Variants in ZFAT observed in about 807,000 individuals in gnomAD.
ZFAT encodes zinc finger protein ZFAT.
A neutral mutation model predicts 117.7 loss-of-function variants in ZFAT; 64 were observed. The observed-to-expected ratio is 0.54, with a 90% CI of 0.44 to 0.67. The LOEUF is 0.67. ZFAT is among the 30% of genes least tolerant of loss of function. ZFAT has a pLI of 0.00. For synonymous variants in ZFAT, 679 were observed against 615.0 expected, an observed-to-expected ratio of 1.10 and a Z score of -1.54; for missense variants, 1,433 against 1,584.5, an observed-to-expected ratio of 0.90 and a Z score of 1.62.
intron 11 of ZFAT, among the ~76,000 whole-genome samples, chr8:134,560,061 A>G (rs188221860): frequency 2.5e-4 from 38 of 152,328 alleles, no homozygotes; most frequent in Non-Finnish European, 4.7e-4. Context: ...AATCTAGCAT[A>G]GTTTCCTAGA....
At chr8:134,695,883 C>A (rs1370957908) in intron 1 of ZFAT, among the ~76,000 whole-genome samples, 1 of 147,236 alleles carries the variant, frequency 6.8e-6, no homozygotes, top group South Asian at 2.2e-4. Context: ...GGAGGTACCA[C>A]CACCCCCAGG....
chr8:134,583,561 C>T (rs1041072979), intron 10 of ZFAT, among the ~76,000 whole-genome samples: 1 of 152,148 alleles, frequency 6.6e-6, no homozygotes, highest in African/African-American at 2.4e-5. Flanking sequence ...TCTGAAGACA[C>T]CTCCTTTCCT....
intron 1 of ZFAT, among the ~76,000 whole-genome samples, chr8:134,694,735 CT>C (rs1833743129): frequency 6.6e-6 from 1 of 152,134 alleles, no homozygotes; most frequent in South Asian, 2.1e-4. Context: ...TCGTGTGTTC[CT>C]GTGCCCCCTC....
chr8:134,635,555 G>A (rs186166754), intron 3 of ZFAT, among the ~76,000 whole-genome samples: 7 of 152,240 alleles, frequency 4.6e-5, no homozygotes, highest in Non-Finnish European at 4.4e-5. Context: ...ATGCAACGTC[G>A]TTACCTAGCT....
At chr8:134,603,496 T>TG (rs79687399) in intron 5 of ZFAT, among the ~76,000 whole-genome samples, 45,605 of 152,058 alleles carry the variant, frequency 0.3, 7,108 homozygotes, top group East Asian at 0.53. Flanking sequence ...AAGCCAGACT[T>TG]CCTATTCATT....
At chr8:134,722,041 C>T in the ZFAT span, among the ~76,000 whole-genome samples, 4 of 152,208 alleles carry the variant, frequency 2.6e-5, no homozygotes, top group African/African-American at 9.7e-5. Context: ...AAGTGTGCTC[C>T]AAAGAGGCAC....
At chr8:134,769,377 A>T in the ZFAT span, among the ~76,000 whole-genome samples, 1 of 152,246 alleles carries the variant, frequency 6.6e-6, no homozygotes, top group Non-Finnish European at 1.5e-5. Flanking sequence ...TGCAAGTCTG[A>T]AATCCAGTGG....
the ZFAT span, among the ~76,000 whole-genome samples, chr8:134,721,066 G>A: frequency 6.6e-6 from 1 of 152,200 alleles, no homozygotes; most frequent in Non-Finnish European, 1.5e-5. Context: ...CCTTTCTGCT[G>A]TGGCTCTATC....
chr8:134,717,466 CTTT>C (rs746460924), upstream of ZFAT, among the ~76,000 whole-genome samples: 19 of 19,330 alleles, frequency 9.8e-4, no homozygotes, highest in African/African-American at 1.5e-3. Context: ...AATAACAACT[CTTT>C]TTTTTTTTTT....
chr8:134,745,284 C>G, the ZFAT span, among the ~76,000 whole-genome samples: 4 of 152,160 alleles, frequency 2.6e-5, no homozygotes, highest in Admixed American at 2.0e-4. Flanking sequence ...CTCCTTAAGA[C>G]GTGCAATGCC....
intron 7 of ZFAT, chr8:134,599,289 C>T (rs66773118): frequency 0.23 from 36,047 of 153,670 alleles, 4,687 homozygotes; most frequent in East Asian, 0.53. Context: ...CTTTAGAGTA[C>T]TGTACATATG....
the ZFAT span, among the ~76,000 whole-genome samples, chr8:134,817,313 C>G: frequency 6.6e-6 from 1 of 151,428 alleles, no homozygotes; most frequent in Non-Finnish European, 1.5e-5. Context: ...TCCTGCCTGC[C>G]AATTCTATGA....
the ZFAT span, among the ~76,000 whole-genome samples, chr8:134,822,384 C>G: frequency 6.6e-6 from 1 of 152,052 alleles, no homozygotes; most frequent in Non-Finnish European, 1.5e-5. Context: ...CCCATATGTT[C>G]TCTGCATACT....
chr8:134,536,250 G>A (rs1246641835), intron 11 of ZFAT, among the ~76,000 whole-genome samples: 1 of 152,310 alleles, frequency 6.6e-6, no homozygotes, highest in African/African-American at 2.4e-5. Flanking sequence ...TTGACTTGGC[G>A]AAATCTTCCC....
chr8:134,804,943 A>C, the ZFAT span: 4 of 533,428 alleles, frequency 7.5e-6, no homozygotes, highest in Non-Finnish European at 1.5e-5. Context: ...TGTTTACAAC[A>C]ACAGACTTTC....
intron 15 of ZFAT, among the ~76,000 whole-genome samples, chr8:134,504,820 A>G (rs1819269246): frequency 6.6e-6 from 1 of 152,070 alleles, no homozygotes; most frequent in Non-Finnish European, 1.5e-5. Flanking sequence ...TACTCTATGC[A>G]GGCCCTCTTC....
the ZFAT span, among the ~76,000 whole-genome samples, chr8:134,754,525 C>T: frequency 1.3e-5 from 2 of 152,218 alleles, no homozygotes; most frequent in Admixed American, 6.5e-5. Context: ...CTGCCCCTTC[C>T]CAGCTATGTC....
the ZFAT span, among the ~76,000 whole-genome samples, chr8:134,758,292 A>G: frequency 3.3e-5 from 5 of 152,068 alleles, no homozygotes; most frequent in South Asian, 1.0e-3. Context: ...GGAAGAGACC[A>G]GGACTACAGG....
At chr8:134,789,629 A>AT in the ZFAT span, among the ~76,000 whole-genome samples, 1 of 152,148 alleles carries the variant, frequency 6.6e-6, no homozygotes, top group African/African-American at 2.4e-5. Flanking sequence ...CAAATGCTAC[A>AT]TGGTAGAGAG....
Sources: allele counts gnomAD v4.1 joint callset (sites outside exome capture counted in the v4.1 genomes callset), GRCh38; gene constraint gnomAD v4.1.1; transcripts MANE v1.5; gene names NCBI Gene and HGNC (gene_info 2026-07-23, HGNC 2026-07-21).